Variants in ONECUT2 observed in about 807,000 individuals in gnomAD.
ONECUT2 encodes the protein one cut domain family member 2.
A neutral mutation model predicts 27.9 loss-of-function variants in ONECUT2; 10 were observed. The ratio of observed to expected loss-of-function variants is 0.36; its 90% CI spans 0.22 to 0.61. The LOEUF (loss-of-function observed/expected upper bound fraction) is 0.61, where lower values mean the gene tolerates loss of function less well. Ranked by LOEUF, ONECUT2 falls within the 20% of genes least tolerant of loss-of-function variation. The probability of loss-of-function intolerance (pLI) is 0.73; values close to 1 mark genes in which losing one functional copy is unlikely to be tolerated. For synonymous variants in ONECUT2, 334 were observed against 315.1 expected (o/e 1.06, Z -0.64); for missense variants, 686 against 721.0 (o/e 0.95, Z 0.56).
intron 1 of ONECUT2, among the ~76,000 whole-genome samples, chr18:57,467,901 C>A (rs2050332867): frequency 6.6e-6 from 1 of 152,202 alleles, no homozygotes; most frequent in South Asian, 2.1e-4. Flanking sequence ...GCCCCTCCTG[C>A]CTTCTTGTTC....
intron 1 of ONECUT2, among the ~76,000 whole-genome samples, chr18:57,439,865 C>T (rs566959930): frequency 1.3e-5 from 2 of 152,300 alleles, no homozygotes; most frequent in Non-Finnish European, 2.9e-5. Context: ...ATTTTGGCCC[C>T]GCCCCCGGGT....
At chr18:57,457,538 A>G (rs1380786491) in intron 1 of ONECUT2, among the ~76,000 whole-genome samples, 1 of 152,124 alleles carries the variant, frequency 6.6e-6, no homozygotes. Flanking sequence ...CCGGAGGACC[A>G]GTGCTCACTG....
chr18:57,467,061 G>C, intron 1 of ONECUT2: 1 of 410,434 alleles, frequency 2.4e-6, no homozygotes, highest in South Asian at 1.8e-5. Context: ...ATATAAGAAA[G>C]TCGTGAGACA....
intron 1 of ONECUT2, among the ~76,000 whole-genome samples, chr18:57,453,987 T>C (rs1391663658): frequency 2.6e-5 from 4 of 152,198 alleles, no homozygotes; most frequent in Admixed American, 2.0e-4. Flanking sequence ...CGAGGGAATC[T>C]ATGGTGTTCG....
At chr18:57,449,066 G>A (rs1385109331) in intron 1 of ONECUT2, among the ~76,000 whole-genome samples, 1 of 152,182 alleles carries the variant, frequency 6.6e-6, no homozygotes, top group Non-Finnish European at 1.5e-5. Flanking sequence ...CTTCTGAAGA[G>A]GAAGAGGTGG....
At chr18:57,437,927 G>C (rs1406951506) in intron 1 of ONECUT2, among the ~76,000 whole-genome samples, 1 of 152,236 alleles carries the variant, frequency 6.6e-6, no homozygotes, top group Admixed American at 6.5e-5. Context: ...GATTGTGCGC[G>C]CCTGGCGACC....
intron 1 of ONECUT2, chr18:57,444,570 A>T (rs2050191864): frequency 1.3e-5 from 5 of 395,744 alleles, no homozygotes; most frequent in South Asian, 9.3e-5. Context: ...CCCCAGGGTG[A>T]GGTTCTGGGC....
chr18:57,445,962 A>G (rs2050198772), intron 1 of ONECUT2, among the ~76,000 whole-genome samples: 1 of 152,244 alleles, frequency 6.6e-6, no homozygotes, highest in East Asian at 1.9e-4. Context: ...GCCTCAGAAT[A>G]ATGTGCTCCA....
At chr18:57,470,094 G>C (rs2050345005) in intron 1 of ONECUT2, among the ~76,000 whole-genome samples, 1 of 152,230 alleles carries the variant, frequency 6.6e-6, no homozygotes, top group Non-Finnish European at 1.5e-5. Flanking sequence ...TTTTTGCCCA[G>C]AAGCTTGTTT....
intron 1 of ONECUT2, among the ~76,000 whole-genome samples, chr18:57,471,345 T>C (rs1598942944): frequency 6.6e-6 from 1 of 151,860 alleles, no homozygotes; most frequent in Non-Finnish European, 1.5e-5. Flanking sequence ...TGGAGTTGGG[T>C]TGGGATGGGG....
In ONECUT2 at chr18:57,462,723, CTTTTTTTTT is replaced by C. The variant is rs57032206; in HGVS notation, c.1229-13697_1229-13689del. Reference sequence around the variant, plus strand: ...AGAATTACCCTATGTTATTTTCTTTCTTTTTTTTTTTTTTTTTTTTTTTTTGAGACAGAG... The same window carrying C: ...AGAATTACCCTATGTTATTTTCTTTCTTTTTTTTTTTTTTTTGAGACAGAG... On this transcript the variant is annotated intron_variant, in intron 1 of 1. Coordinates refer to ENST00000491143, the MANE Select transcript of ONECUT2 (RefSeq NM_004852.3). 1.7e-3 allele frequency among the ~76,000 whole-genome samples: 120 copies of C among 69,006 alleles called. 1 individual carries two copies. Among genetic ancestry groups the C allele is most frequent in the African/African-American group, 6.4e-3 (108 of 16,844 alleles). 45.3% of individuals were successfully genotyped at this position (69,006 alleles called of 152,430 possible). A position where few individuals can be genotyped will look rare whatever the true frequency, so the allele number is the denominator to read the frequency against.
In ONECUT2 at chr18:57,482,185, A is replaced by C. The variant is rs2050419520; in HGVS notation, c.*5462A>C. ...TCATAAGATAATGATGTTGATTTTA[A>C]ATATGGATGTCTCAATGCCTGTTTT... On this transcript the variant is annotated 3_prime_UTR_variant, in exon 2 of 2. Coordinates refer to ENST00000491143, the MANE Select transcript of ONECUT2 (RefSeq NM_004852.3). The C allele has an allele frequency of 6.6e-6, 1 of 152,230 alleles. No individual in the cohort carries two copies. The highest frequency in any genetic ancestry group is 6.5e-5 in the Admixed American group (1 of 15,286). The allele number at this position is 152,230 out of a possible 1,614,324, so 9.4% of individuals were successfully genotyped here. A position where few individuals can be genotyped will look rare whatever the true frequency, so the allele number is the denominator to read the frequency against.
intron 1 of ONECUT2, among the ~76,000 whole-genome samples, chr18:57,449,140 T>C (rs775014269): frequency 6.6e-6 from 1 of 152,232 alleles, no homozygotes; most frequent in Non-Finnish European, 1.5e-5. Context: ...TGTATATAGA[T>C]GTCCCTGCTT....
At chr18:57,467,080 C>A in intron 1 of ONECUT2, 1 of 431,710 alleles carries the variant, frequency 2.3e-6, no homozygotes, top group South Asian at 1.7e-5. Flanking sequence ...CATCCAAGAG[C>A]CCTCATTTCC....
chr18:57,490,439 A>T lies in ONECUT2; in HGVS notation c.*13716A>T, dbSNP rs1386938878. 1 of 152,186 alleles carries T rather than the reference A, an allele frequency of 6.6e-6. No individual in the cohort carries two copies. The highest frequency in any genetic ancestry group is 1.9e-4 in the East Asian group (1 of 5,198). The allele number at this position is 152,186 out of a possible 1,614,324, so 9.4% of individuals were successfully genotyped here. A position where few individuals can be genotyped will look rare whatever the true frequency, so the allele number is the denominator to read the frequency against. On this transcript the variant is annotated 3_prime_UTR_variant, in exon 2 of 2. Coordinates refer to ENST00000491143, the MANE Select transcript of ONECUT2 (RefSeq NM_004852.3). The stretch of plus-strand genomic sequence containing the variant: ...TTTGTTCTATACTGTTGACTGCTTG[A>T]TGGTATTGAAAGGTGACTATAATGA...
At chr18:57,448,328 T>C (rs1031485503) in intron 1 of ONECUT2, among the ~76,000 whole-genome samples, 4 of 152,182 alleles carry the variant, frequency 2.6e-5, no homozygotes, top group Non-Finnish European at 4.4e-5. Context: ...GAATTTTTTT[T>C]CCCCTGTGAC....
At chr18:57,462,381 CAG>C (rs2050296807) in intron 1 of ONECUT2, among the ~76,000 whole-genome samples, 1 of 152,132 alleles carries the variant, frequency 6.6e-6, no homozygotes, top group Non-Finnish European at 1.5e-5. Flanking sequence ...TTTTGAAAAA[CAG>C]AAGTTCTTAA....
intron 1 of ONECUT2, among the ~76,000 whole-genome samples, chr18:57,474,353 A>C (rs2050370111): frequency 6.6e-6 from 1 of 152,334 alleles, no homozygotes; most frequent in Admixed American, 6.5e-5. Context: ...TCTTCAGGTT[A>C]AATCCTGTCT....
chr18:57,440,179 G>A (rs2050166514), intron 1 of ONECUT2, among the ~76,000 whole-genome samples: 1 of 152,382 alleles, frequency 6.6e-6, no homozygotes, highest in African/African-American at 2.4e-5. Flanking sequence ...CCTTCGCAGA[G>A]GTTCCCCAAG....
Sources: gnomAD v4.1 joint callset for allele counts (sites outside exome capture counted in the v4.1 genomes callset) on GRCh38, gnomAD v4.1.1 for gene constraint, MANE v1.5 for transcripts, NCBI Gene and HGNC (gene_info 2026-07-23, HGNC 2026-07-21) for gene names.